Variants in PLEKHA8 observed in about 807,000 individuals in gnomAD.
PLEKHA8 encodes the protein pleckstrin homology domain-containing family A member 8.
A neutral mutation model predicts 68.2 loss-of-function variants in PLEKHA8; 36 were observed. The observed-to-expected ratio is 0.53, with a 90% confidence interval of 0.40 to 0.70. The LOEUF (loss-of-function observed/expected upper bound fraction) is 0.70. Among genes scored for constraint, PLEKHA8 ranks in the 30% least tolerant of loss-of-function variants. The pLI, the probability that PLEKHA8 is intolerant of heterozygous loss-of-function variation, is 0.00. For missense variants in PLEKHA8, 505 were observed against 615.4 expected, an observed-to-expected ratio of 0.82 and a Z score of 1.90; for synonymous variants, 211 against 216.1, an observed-to-expected ratio of 0.98 and a Z score of 0.20.
Position 30,062,052 on chromosome 7 carries a change from A to T in PLEKHA8, c.1229+25A>T, listed in dbSNP as rs751730359. 6 of 1,589,320 alleles carry T rather than the reference A, an allele frequency of 3.8e-6. No homozygotes were observed. In the South Asian group the frequency reaches 6.9e-5, roughly 18 times the overall value. ...GGTGAGGCAGCTGGGGTGGGACAGC[A>T]GTTAAAATCTAGCTCAAAAAAAATT... On this transcript the variant is annotated intron_variant, in intron 11 of 13. Transcript: ENST00000449726.
chr7:30,064,030 C>A (rs1167785510), intron 12 of PLEKHA8, among the ~76,000 whole-genome samples: 3 of 152,236 alleles, frequency 2.0e-5, no homozygotes, highest in Non-Finnish European at 4.4e-5. Flanking sequence ...TGCCCCCTAG[C>A]CAGTATCTGT....
intron 13 of PLEKHA8, among the ~76,000 whole-genome samples, chr7:30,125,843 TCCTC>T (rs1050523338): frequency 3.9e-5 from 6 of 152,330 alleles, no homozygotes; most frequent in Admixed American, 3.9e-4. Flanking sequence ...AAAATTGTGT[TCCTC>T]CATTTTTATA....
At chr7:30,061,751 C>A (rs1793454203) in intron 10 of PLEKHA8, 146 bp from the exon 11 acceptor site, 2 of 788,004 alleles carry the variant, frequency 2.5e-6, no homozygotes, top group South Asian at 2.1e-5. Context: ...CAAATACTAT[C>A]ATGAAAACAT....
intron 13 of PLEKHA8, among the ~76,000 whole-genome samples, chr7:30,098,541 G>A (rs970098616): frequency 7.9e-5 from 12 of 152,338 alleles, no homozygotes; most frequent in Admixed American, 3.3e-4. Context: ...GCAGGTGCCC[G>A]TCCCCCAGCC....
chr7:30,037,755 T>C (rs79419831), intron 1 of PLEKHA8, among the ~76,000 whole-genome samples: 164 of 152,272 alleles, frequency 1.1e-3, no homozygotes, highest in African/African-American at 3.6e-3. Flanking sequence ...ATTTTTTTTT[T>C]CTGCATTTCT....
chr7:30,117,883 C>T, intron 13 of PLEKHA8: 1 of 878,148 alleles, frequency 1.1e-6, no homozygotes. Context: ...AACTCTACTT[C>T]CTGTAGATTA....
At chr7:30,113,874 T>A (rs1796345834) in intron 13 of PLEKHA8, among the ~76,000 whole-genome samples, 3 of 151,992 alleles carry the variant, frequency 2.0e-5, no homozygotes, top group African/African-American at 7.3e-5. Flanking sequence ...TTCTACACAT[T>A]CTAATTTGTT....
At chr7:30,086,457 G>T (rs1795185795), downstream of PLEKHA8, among the ~76,000 whole-genome samples, 1 of 152,226 alleles carries the variant, frequency 6.6e-6, no homozygotes, top group South Asian at 2.1e-4. Context: ...ACCCTTTGGG[G>T]TGCTTGGACT....
At chr7:30,099,583 G>C (rs1014069936) in intron 13 of PLEKHA8, among the ~76,000 whole-genome samples, 3 of 152,188 alleles carry the variant, frequency 2.0e-5, no homozygotes, top group Non-Finnish European at 2.9e-5. Context: ...AAGTAATGCT[G>C]TTAACCAGCT....
At chr7:30,070,547 C>CT (rs34425647) in intron 12 of PLEKHA8, among the ~76,000 whole-genome samples, 23,646 of 137,278 alleles carry the variant, frequency 0.17, 2,026 homozygotes, top group Middle Eastern at 0.21. Context: ...GAATCCAGAG[C>CT]TTTTTTTTTT....
chr7:30,090,211 A>AAG, exon 13 of PLEKHA8: 1 of 1,544,892 alleles, frequency 6.5e-7, no homozygotes, highest in Non-Finnish European at 8.7e-7. Context: ...CCTGAACTTC[A>AAG]AGAATGAAGA....
chr7:30,065,819 A>G (rs978407117), intron 12 of PLEKHA8, among the ~76,000 whole-genome samples: 8 of 152,234 alleles, frequency 5.3e-5, no homozygotes, highest in African/African-American at 1.9e-4. Context: ...AAGAGGATAA[A>G]TACCTTCCCT....
At chr7:30,087,334 C>G (rs1045100604), downstream of PLEKHA8, among the ~76,000 whole-genome samples, 1 of 152,140 alleles carries the variant, frequency 6.6e-6, no homozygotes, top group African/African-American at 2.4e-5. Context: ...CTGCTCTCCT[C>G]CCTGCGGATA....
chr7:30,096,419 T>C (rs1418397260), intron 13 of PLEKHA8, among the ~76,000 whole-genome samples: 1 of 152,136 alleles, frequency 6.6e-6, no homozygotes. Context: ...TTAAGGAGAT[T>C]TTGGGCTGAG....
At chr7:30,122,920 TC>T (rs898756964) in intron 13 of PLEKHA8, among the ~76,000 whole-genome samples, 1 of 152,148 alleles carries the variant, frequency 6.6e-6, no homozygotes, top group Non-Finnish European at 1.5e-5. Flanking sequence ...AAATAGTAGT[TC>T]CTGGTAGTTT....
At chr7:30,117,260 C>T (rs1796598042) in intron 13 of PLEKHA8, among the ~76,000 whole-genome samples, 1 of 152,158 alleles carries the variant, frequency 6.6e-6, no homozygotes, top group African/African-American at 2.4e-5. Flanking sequence ...AGAAGTTACC[C>T]CATGGCCCTT....
At chr7:30,126,442 G>T (rs1324469382) in intron 13 of PLEKHA8, among the ~76,000 whole-genome samples, 1 of 152,134 alleles carries the variant, frequency 6.6e-6, no homozygotes, top group African/African-American at 2.4e-5. Context: ...CTTACATAAG[G>T]CTAAATGAAC....
At chr7:30,065,920 T>C (rs1793818139) in intron 12 of PLEKHA8, among the ~76,000 whole-genome samples, 1 of 151,868 alleles carries the variant, frequency 6.6e-6, no homozygotes, top group Non-Finnish European at 1.5e-5. Flanking sequence ...ATGCAGACTA[T>C]CCGGTTCCAC....
intron 12 of PLEKHA8, among the ~76,000 whole-genome samples, chr7:30,089,922 G>T (rs1795345571): frequency 6.6e-6 from 1 of 152,160 alleles, no homozygotes; most frequent in Non-Finnish European, 1.5e-5. Context: ...AAATGGAATT[G>T]ATAACAGAAG....
Sources: allele counts gnomAD v4.1 joint callset (sites outside exome capture counted in the v4.1 genomes callset), GRCh38; gene constraint gnomAD v4.1.1; transcripts MANE v1.5; gene names NCBI Gene and HGNC (gene_info 2026-07-23, HGNC 2026-07-21).